The following RXRA variants were observed in gnomAD, a reference collection of about 807,000 sequenced individuals.
RXRA encodes retinoid X receptor alpha, also known as retinoic acid receptor RXR-alpha.
In RXRA, 5 loss-of-function variants were observed where a neutral mutation model predicts 44.5. The ratio of observed to expected loss-of-function variants is 0.11; its 90% confidence interval spans 0.06 to 0.24. RXRA has a LOEUF of 0.24. RXRA is among the 10% of genes least tolerant of loss of function. The pLI is 1.00. For missense variants in RXRA, 412 were observed against 646.5 expected (o/e 0.64, Z 3.93); for synonymous variants, 291 against 271.4 (o/e 1.07, Z -0.71).
chr9:134,408,338 G>T (rs1831091330), intron 3 of RXRA, 39 bp downstream of exon 3: 2 of 1,569,634 alleles, frequency 1.3e-6, no homozygotes, highest in East Asian at 4.6e-5. Flanking sequence ...GTGGGACAGG[G>T]TTGTCAGGCC....
chr9:134,397,836 G>T (rs1469690764), intron 1 of RXRA, among the ~76,000 whole-genome samples: 1 of 152,182 alleles, frequency 6.6e-6, no homozygotes, highest in Non-Finnish European at 1.5e-5. Context: ...GTGTGGGGAG[G>T]GCTGTGTGTC....
chr9:134,393,609 G>A (rs974139685), intron 1 of RXRA, among the ~76,000 whole-genome samples: 1 of 152,230 alleles, frequency 6.6e-6, no homozygotes, highest in African/African-American at 2.4e-5. Flanking sequence ...CTGGTGTGAG[G>A]CCTGTGGCCG....
chr9:134,360,226 C>G lies in RXRA; in HGVS notation c.28+33567C>G, dbSNP rs957406938. 3.9e-5 allele frequency among the ~76,000 whole-genome samples: 6 copies of G among 152,326 alleles called. No individual in the cohort carries two copies. The South Asian group carries it at 1.0e-3, about 26-fold the overall frequency. On this transcript the variant is annotated intron_variant, in intron 1 of 9. Transcript: ENST00000481739. ...TCCTCAGTAGCCTCGGTGGGGGGCA[C>G]TGGGCTGGGTGTCTGCCTTCCCTGG...
rs564251005 is a variant in RXRA, at chr9:134,425,167, G to A, written c.910+3362G>A. 7.5e-4 allele frequency: 737 copies of A among 985,420 alleles called. 1 individual carries two copies. Among genetic ancestry groups the A allele is most frequent in the Middle Eastern group, 4.2e-3 (8 of 1,914 alleles). The allele number at this position is 985,420 out of a possible 1,614,324, so 61.0% of individuals were successfully genotyped here. A position where few individuals can be genotyped will look rare whatever the true frequency, so the allele number is the denominator to read the frequency against. On this transcript the variant is annotated intron_variant, in intron 6 of 9. Coordinates refer to ENST00000481739, the MANE Select transcript of RXRA (RefSeq NM_002957.6). ...GGGTGCAGTGGCCACAGCCCTGCAGGGGCCCAGAAACTGGTGGAGGATTCC... is the reference window on the plus strand; with the variant it reads ...GGGTGCAGTGGCCACAGCCCTGCAGAGGCCCAGAAACTGGTGGAGGATTCC...
chr9:134,423,017 G>A (rs1235473831), intron 6 of RXRA: 2 of 985,382 alleles, frequency 2.0e-6, no homozygotes. Context: ...GCCATGCGGC[G>A]GCCAGGACGG....
intron 4 of RXRA, among the ~76,000 whole-genome samples, chr9:134,414,302 T>C (rs933602652): frequency 2.0e-5 from 3 of 152,222 alleles, no homozygotes; most frequent in South Asian, 2.1e-4. Flanking sequence ...AGGGCCACCC[T>C]TGTCTGGGGC....
intron 1 of RXRA, among the ~76,000 whole-genome samples, chr9:134,332,311 A>G (rs1313461372): frequency 1.3e-5 from 2 of 152,120 alleles, no homozygotes; most frequent in East Asian, 3.9e-4. Flanking sequence ...GTCCCAGGGC[A>G]GGGCAGGGTA....
In RXRA at chr9:134,425,069, T is replaced by C. The variant is rs1185850056; in HGVS notation, c.910+3264T>C. The C allele has an allele frequency of 4.1e-6, 4 of 985,268 alleles. No homozygotes were observed. In the South Asian group the frequency reaches 1.9e-4, roughly 46 times the overall value. The allele number at this position is 985,268 out of a possible 1,614,324, so 61.0% of individuals were successfully genotyped here. A position where few individuals can be genotyped will look rare whatever the true frequency, so the allele number is the denominator to read the frequency against. ...CCACCATCGTGAGAGCCATTGGCCATGCAGGTTCAAGGCCCAAGGTCTCTG... is the reference window on the plus strand; with the variant it reads ...CCACCATCGTGAGAGCCATTGGCCACGCAGGTTCAAGGCCCAAGGTCTCTG... On this transcript the variant is annotated intron_variant, in intron 6 of 9. Transcript: ENST00000481739.
At chr9:134,421,528 G>T in intron 5 of RXRA, 148 bp from the exon 6 acceptor site, 2 of 900,590 alleles carry the variant, frequency 2.2e-6, no homozygotes, top group Non-Finnish European at 3.4e-6. Context: ...ATAGTCCCAG[G>T]TTCTGGGGAT....
intron 1 of RXRA, among the ~76,000 whole-genome samples, chr9:134,359,751 C>T (rs890859303): frequency 4.6e-5 from 7 of 152,066 alleles, no homozygotes; most frequent in Admixed American, 1.3e-4. Flanking sequence ...GGAGGTGACA[C>T]GCAGCCCCGC....
intron 1 of RXRA, among the ~76,000 whole-genome samples, chr9:134,330,905 G>A (rs1834994914): frequency 6.6e-6 from 1 of 152,242 alleles, no homozygotes; most frequent in Non-Finnish European, 1.5e-5. Context: ...AGTTTGGGGA[G>A]TCTGTTTGTG....
At position 134,424,412 on chromosome 9, in the gene RXRA, C is replaced by T. The variant is rs577401884; in HGVS notation, c.910+2607C>T. On this transcript the variant is annotated intron_variant, in intron 6 of 9. Transcript: ENST00000481739. ...ACTCCCAGCCTGACCTCCCCCTGGGCGCCCACTGAGGTCCTTGCTGACCTG... is the reference window on the plus strand; with the variant it reads ...ACTCCCAGCCTGACCTCCCCCTGGGTGCCCACTGAGGTCCTTGCTGACCTG... The T allele has an allele frequency of 1.2e-5, 12 of 985,444 alleles. No individual in the cohort carries two copies. In the East Asian group the frequency reaches 6.8e-4, roughly 56 times the overall value. 61.0% of individuals were successfully genotyped at this position (985,444 alleles called of 1,614,324 possible).
Position 134,436,730 on chromosome 9 carries a change from G to A in RXRA, c.*116G>A, listed in dbSNP as rs1831629015. ...TCTCTGCCTGGCCTGTTTGGACTTT[G>A]GGGCACAGCCTGTCACTGCTCTGCC... On this transcript the variant is annotated 3_prime_UTR_variant, in exon 10 of 10. Coordinates refer to ENST00000481739, the MANE Select transcript of RXRA (RefSeq NM_002957.6). The A allele has an allele frequency of 8.4e-7, 1 of 1,184,676 alleles. No individual in the cohort carries two copies. The highest frequency in any genetic ancestry group is 2.2e-5 in the Admixed American group (1 of 45,790). The allele number at this position is 1,184,676 out of a possible 1,614,324, so 73.4% of individuals were successfully genotyped here. A position where few individuals can be genotyped will look rare whatever the true frequency, so the allele number is the denominator to read the frequency against.
chr9:134,384,403 C>T (rs1169407745), intron 1 of RXRA, among the ~76,000 whole-genome samples: 2 of 152,194 alleles, frequency 1.3e-5, no homozygotes, highest in African/African-American at 2.4e-5. Context: ...GTGCTGGGGT[C>T]GCCAGCGACT....
chr9:134,386,858 G>A (rs78426104), intron 1 of RXRA, among the ~76,000 whole-genome samples: 1 of 152,172 alleles, frequency 6.6e-6, no homozygotes, highest in East Asian at 1.9e-4. Context: ...TCCTTACCTT[G>A]AGGCTCTATG....
At chr9:134,424,951 T>G in intron 6 of RXRA, 1 of 985,462 alleles carries the variant, frequency 1.0e-6, no homozygotes, top group Non-Finnish European at 1.2e-6. Flanking sequence ...GTCCCTGTGC[T>G]AGGCCCTCCC....
intron 1 of RXRA, among the ~76,000 whole-genome samples, chr9:134,382,498 C>A (rs755666436): frequency 3.3e-5 from 5 of 152,140 alleles, no homozygotes; most frequent in Admixed American, 6.5e-5. Flanking sequence ...CCCCTGGCTG[C>A]TGTCTTGGCT....
At chr9:134,391,812 C>T (rs1311148288) in intron 1 of RXRA, among the ~76,000 whole-genome samples, 1 of 152,238 alleles carries the variant, frequency 6.6e-6, no homozygotes, top group Admixed American at 6.5e-5. Context: ...GAAAGCCAGG[C>T]CTCCAGGCGT....
intron 1 of RXRA, among the ~76,000 whole-genome samples, chr9:134,367,382 C>T (rs1830427511): frequency 6.6e-6 from 1 of 152,178 alleles, no homozygotes; most frequent in Admixed American, 6.5e-5. Context: ...CCCCGGAGCC[C>T]ACCCTTCCAC....
Sources: allele counts gnomAD v4.1 joint callset (sites outside exome capture counted in the v4.1 genomes callset), GRCh38; gene constraint gnomAD v4.1.1; transcripts MANE v1.5; gene names NCBI Gene and HGNC (gene_info 2026-07-23, HGNC 2026-07-21).